The following SLC36A2 variants were observed in gnomAD, a reference collection of about 807,000 sequenced individuals.
The protein encoded by SLC36A2 is solute carrier family 36 member 2.
In SLC36A2, 39 loss-of-function variants were observed where a neutral mutation model predicts 42.7. That is an observed-to-expected ratio of 0.91 (90% CI 0.71 to 1.19). The LOEUF is 1.19. Among genes scored for constraint, SLC36A2 ranks in the 50% most tolerant of loss-of-function variants. The pLI is 0.00. For missense variants in SLC36A2, 590 were observed against 613.7 expected (o/e 0.96, Z 0.41); for synonymous variants, 237 against 240.8 (o/e 0.98, Z 0.15).
At chr5:151,339,762 A>G (rs1350013848) in intron 4 of SLC36A2, among the ~76,000 whole-genome samples, 3 of 152,248 alleles carry the variant, frequency 2.0e-5, no homozygotes, top group Non-Finnish European at 4.4e-5. Flanking sequence ...CAGCAGGCAC[A>G]ATGTTTTTAT....
At chr5:151,317,547 C>T (rs1044163961) in intron 9 of SLC36A2, among the ~76,000 whole-genome samples, 1 of 151,778 alleles carries the variant, frequency 6.6e-6, no homozygotes, top group Non-Finnish European at 1.5e-5. Context: ...CCTCCAATAT[C>T]CCTAATCATA....
At chr5:151,321,841 T>A (rs11749870) in intron 9 of SLC36A2, 9 of 553,630 alleles carry the variant, frequency 1.6e-5, no homozygotes, top group Non-Finnish European at 3.0e-5. Context: ...CCACGCCTGG[T>A]TAATTGTTGT....
At chr5:151,317,626 G>A (rs55874114) in intron 9 of SLC36A2, among the ~76,000 whole-genome samples, 12,455 of 151,670 alleles carry the variant, frequency 0.082, 788 homozygotes, top group African/African-American at 0.17. Flanking sequence ...CCAGCTATTC[G>A]GGAGGCTGAG....
intron 4 of SLC36A2, among the ~76,000 whole-genome samples, chr5:151,340,687 A>C (rs1294496425): frequency 1.3e-5 from 2 of 152,214 alleles, no homozygotes; most frequent in African/African-American, 4.8e-5. Context: ...TTACTGCTGA[A>C]AGGTTCTCTA....
At chr5:151,329,541 A>G (rs1370968138) in intron 7 of SLC36A2, among the ~76,000 whole-genome samples, 4 of 152,228 alleles carry the variant, frequency 2.6e-5, no homozygotes, top group Non-Finnish European at 4.4e-5. Flanking sequence ...CCGTACTCCA[A>G]AAAGTAAGGG....
At position 151,316,763 on chromosome 5, in the gene SLC36A2, A is replaced by AAAAAAT; in HGVS notation, c.*53_*54insATTTTT. On this transcript the variant is annotated 3_prime_UTR_variant, in exon 10 of 10. Transcript: ENST00000335244. ...CTCAAAAAAAAAAAAAAAAAAAAAA[A>AAAAAAT]GAGATCCATATAATTAAAAGTCGGG... 1 of 1,490,264 alleles carries AAAAAAT rather than the reference A, an allele frequency of 6.7e-7. No individual in the cohort carries two copies. Among genetic ancestry groups the AAAAAAT allele is most frequent in the Non-Finnish European group, 9.1e-7 (1 of 1,102,396 alleles). 92.3% of individuals were successfully genotyped at this position (1,490,264 alleles called of 1,614,324 possible).
intron 8 of SLC36A2, among the ~76,000 whole-genome samples, chr5:151,324,615 AG>A (rs1248999679): frequency 6.6e-6 from 1 of 152,100 alleles, no homozygotes; most frequent in African/African-American, 2.4e-5. Flanking sequence ...TACAGGCATG[AG>A]CCATCACGCC....
At position 151,344,176 on chromosome 5, in the gene SLC36A2, C is replaced by A. The variant is rs771160039; in HGVS notation, c.255+1G>T. ...GCCCCCACATGTGGCGCCTCTCTTA[C>A]CAGGATGCCCGCGTTCTTCACAGCG... On this transcript the variant is annotated splice_donor_variant, in intron 2 of 9. Transcript: ENST00000335244. LOFTEE classifies it high-confidence loss of function. The A allele has an allele frequency of 6.2e-7, 1 of 1,613,882 alleles. No homozygotes were observed. Among genetic ancestry groups the A allele is most frequent in the South Asian group, 1.1e-5 (1 of 90,970 alleles).
intron 5 of SLC36A2, among the ~76,000 whole-genome samples, chr5:151,336,107 C>T (rs1027602494): frequency 3.3e-5 from 5 of 152,102 alleles, no homozygotes; most frequent in African/African-American, 1.2e-4. Flanking sequence ...CAACTAGTAT[C>T]CATTTCTCCT....
Position 151,321,951 on chromosome 5 carries a change from T to A in SLC36A2, c.1180+95A>T, listed in dbSNP as rs1580844481. The A allele has an allele frequency of 2.6e-6, 4 of 1,534,286 alleles. No homozygotes were observed. In the South Asian group the frequency reaches 4.5e-5, roughly 17 times the overall value. ...CCTCGGCCTCCCAAAGTGCCAGGAT[T>A]ACAGGTGTAAGCCAATGCATCCGGC... On this transcript the variant is annotated intron_variant, in intron 9 of 9. Coordinates refer to ENST00000335244, the MANE Select transcript of SLC36A2 (RefSeq NM_181776.3).
At chr5:151,327,975 A>G (rs1755897717) in intron 7 of SLC36A2, among the ~76,000 whole-genome samples, 1 of 152,178 alleles carries the variant, frequency 6.6e-6, no homozygotes, top group Non-Finnish European at 1.5e-5. Context: ...GATAATTTCA[A>G]CTAATACTAA....
chr5:151,322,866 T>C (rs1480177415), intron 8 of SLC36A2, among the ~76,000 whole-genome samples: 1 of 152,192 alleles, frequency 6.6e-6, no homozygotes, highest in Non-Finnish European at 1.5e-5. Context: ...TATCTAAGTT[T>C]TTTTTCTATT....
chr5:151,337,032 C>CATTTA (rs1756178965), intron 5 of SLC36A2, among the ~76,000 whole-genome samples: 1 of 152,286 alleles, frequency 6.6e-6, no homozygotes, highest in East Asian at 1.9e-4. Context: ...TAACAATACA[C>CATTTA]TGTGGATACA....
chr5:151,334,301 TCTTGTGGCTTCTTAAAGGG>T (rs1756084363), intron 6 of SLC36A2, among the ~76,000 whole-genome samples: 1 of 152,234 alleles, frequency 6.6e-6, no homozygotes, highest in African/African-American at 2.4e-5. Flanking sequence ...ACTTTTTTTC[TCTTGTGGCTTCTTAAAGGG>T]AAGAACATCT....
At chr5:151,343,482 A>G (rs1756404059) in intron 3 of SLC36A2, 28 bp downstream of exon 3, 13 of 1,607,640 alleles carry the variant, frequency 8.1e-6, no homozygotes, top group Non-Finnish European at 1.1e-5. Flanking sequence ...CACCAAAGGA[A>G]TTGACACAAG....
intron 1 of SLC36A2, among the ~76,000 whole-genome samples, chr5:151,345,625 C>A (rs1278810998): frequency 1.3e-5 from 2 of 152,134 alleles, no homozygotes; most frequent in East Asian, 3.9e-4. Flanking sequence ...AGCACTACAC[C>A]CTACTCGCCA....
At chr5:151,340,832 G>C (rs1756324339) in intron 4 of SLC36A2, among the ~76,000 whole-genome samples, 1 of 152,076 alleles carries the variant, frequency 6.6e-6, no homozygotes, top group South Asian at 2.1e-4. Context: ...ATCAGAGGGT[G>C]GTCCAGTGTT....
At position 151,342,971 on chromosome 5, in the gene SLC36A2, G is replaced by C; in HGVS notation, c.357C>G (p.Pro119=). The stretch of plus-strand genomic sequence containing the variant: ...TCACCGTGTCCCCATAGTCCATAAA[G>C]GGCTTGTTAAGCCTGCAGGAGAGAG... ...AQRFCKRLNK[P]FMDYGDTVMH... The change falls in exon 4 of 10, where the codon CCC becomes CCG. Residue 119 remains proline (P), a synonymous_variant. Transcript: ENST00000335244. 4 of 1,614,036 alleles carry C rather than the reference G, an allele frequency of 2.5e-6. No individual in the cohort carries two copies. Among genetic ancestry groups the C allele is most frequent in the Non-Finnish European group, 3.4e-6 (4 of 1,179,922 alleles).
chr5:151,326,343 C>T (rs1032000296), intron 7 of SLC36A2, among the ~76,000 whole-genome samples: 1 of 151,950 alleles, frequency 6.6e-6, no homozygotes, highest in Non-Finnish European at 1.5e-5. Flanking sequence ...TGAATTATAC[C>T]TGCCTTCCAA....
Sources: gnomAD v4.1 joint callset for allele counts (sites outside exome capture counted in the v4.1 genomes callset) on GRCh38, gnomAD v4.1.1 for gene constraint, MANE v1.5 for transcripts, NCBI Gene and HGNC (gene_info 2026-07-23, HGNC 2026-07-21) for gene names.